DPP10: variants seen among roughly 807,000 people sequenced by gnomAD.
DPP10 encodes inactive dipeptidyl peptidase 10.
A neutral mutation model predicts 120.9 loss-of-function variants in DPP10; 33 were observed. The ratio of observed to expected loss-of-function variants is 0.27; its 90% CI spans 0.21 to 0.37. The LOEUF (loss-of-function observed/expected upper bound fraction) is 0.37, where lower values mean the gene tolerates loss of function less well. Among genes scored for constraint, DPP10 ranks in the 10% least tolerant of loss-of-function variants. DPP10 has a pLI of 1.00. For synonymous variants in DPP10, 337 were observed against 326.1 expected (o/e 1.03, Z -0.36); for missense variants, 816 against 942.8 (o/e 0.87, Z 1.76).
intron 3 of DPP10, among the ~76,000 whole-genome samples, chr2:115,488,852 C>T (rs2105328273): frequency 9.5e-6 from 1 of 104,954 alleles, no homozygotes; most frequent in Non-Finnish European, 1.9e-5. Context: ...GCACAATGTG[C>T]ACATGTACCC....
chr2:115,803,117 G>C (rs1685469360), intron 19 of DPP10, among the ~76,000 whole-genome samples: 1 of 152,156 alleles, frequency 6.6e-6, no homozygotes, highest in South Asian at 2.1e-4. Flanking sequence ...GGGTGCTCCT[G>C]TATTGGGTGT....
chr2:115,098,791 C>T (rs895829930), intron 1 of DPP10, among the ~76,000 whole-genome samples: 14 of 152,126 alleles, frequency 9.2e-5, no homozygotes, highest in African/African-American at 3.1e-4. Context: ...AAATGATATT[C>T]ATTGTTTCTC....
intron 1 of DPP10, among the ~76,000 whole-genome samples, chr2:115,199,354 A>G (rs1222139913): frequency 6.6e-6 from 1 of 151,978 alleles, no homozygotes; most frequent in Non-Finnish European, 1.5e-5. Context: ...TAGTGTAGAG[A>G]CTATCACTGT....
intron 1 of DPP10, among the ~76,000 whole-genome samples, chr2:114,979,825 T>C (rs1699974923): frequency 6.6e-6 from 1 of 152,120 alleles, no homozygotes; most frequent in South Asian, 2.1e-4. Flanking sequence ...ATTTTAATTA[T>C]GTAGAGTCCA....
intron 1 of DPP10, among the ~76,000 whole-genome samples, chr2:115,029,314 A>T (rs1703682562): frequency 6.6e-6 from 1 of 151,940 alleles, no homozygotes; most frequent in South Asian, 2.1e-4. Context: ...TTTTCGATAG[A>T]TTAGTTTTTT....
At chr2:114,523,137 G>A (rs916526501) in intron 1 of DPP10, among the ~76,000 whole-genome samples, 5 of 152,176 alleles carry the variant, frequency 3.3e-5, no homozygotes, top group Non-Finnish European at 5.9e-5. Context: ...ATGGGGAGAC[G>A]TTAAATGAAG....
At chr2:115,515,612 TATTC>T (rs1409468746) in intron 4 of DPP10, among the ~76,000 whole-genome samples, 2 of 152,148 alleles carry the variant, frequency 1.3e-5, no homozygotes, top group Non-Finnish European at 1.5e-5. Flanking sequence ...TAACTGGAAT[TATTC>T]ATTCATTAAT....
At chr2:115,478,903 A>G (rs756358790) in intron 3 of DPP10, among the ~76,000 whole-genome samples, 1 of 152,172 alleles carries the variant, frequency 6.6e-6, no homozygotes, top group African/African-American at 2.4e-5. Flanking sequence ...AGTAAATAGA[A>G]AATATTTGGT....
chr2:115,791,406 T>A (rs758254522), intron 19 of DPP10, 50 bp downstream of exon 19: 29 of 1,493,348 alleles, frequency 1.9e-5, no homozygotes, highest in Non-Finnish European at 2.5e-5. Flanking sequence ...GATTTTATAT[T>A]TTTGTGTCTC....
chr2:115,371,852 CAATT>C (rs776132943), intron 3 of DPP10, among the ~76,000 whole-genome samples: 48 of 152,156 alleles, frequency 3.2e-4, no homozygotes, highest in African/African-American at 1.1e-3. Flanking sequence ...AGCAGGAAAT[CAATT>C]AAATAATTTG....
chr2:115,395,570 G>A (rs1292482489), intron 3 of DPP10, among the ~76,000 whole-genome samples: 1 of 152,138 alleles, frequency 6.6e-6, no homozygotes, highest in Non-Finnish European at 1.5e-5. Flanking sequence ...ATTAATGTAT[G>A]CTGCTCTTTG....
intron 11 of DPP10, among the ~76,000 whole-genome samples, chr2:115,762,254 GAC>G (rs1680205825): frequency 1.3e-5 from 2 of 152,146 alleles, no homozygotes; most frequent in African/African-American, 2.4e-5. Flanking sequence ...GGTGAAAAGA[GAC>G]AGTGTCTGGT....
chr2:114,847,502 G>A (rs17043673), intron 1 of DPP10, among the ~76,000 whole-genome samples: 8,140 of 152,156 alleles, frequency 0.053, 694 homozygotes, highest in African/African-American at 0.18. Context: ...ATCCATCTCC[G>A]TACTTCCAAC....
At chr2:114,474,919 A>G (rs1013443494) in intron 1 of DPP10, among the ~76,000 whole-genome samples, 3 of 152,238 alleles carry the variant, frequency 2.0e-5, no homozygotes, top group African/African-American at 7.2e-5. Flanking sequence ...CAGTGAACTG[A>G]AAGAGTGGTC....
At chr2:115,583,096 G>A (rs1215862574) in intron 5 of DPP10, among the ~76,000 whole-genome samples, 1 of 152,180 alleles carries the variant, frequency 6.6e-6, no homozygotes, top group African/African-American at 2.4e-5. Context: ...AGAAAATAGT[G>A]CACTGAATAT....
intron 7 of DPP10, among the ~76,000 whole-genome samples, chr2:115,693,768 A>G (rs1408175456): frequency 6.6e-6 from 1 of 152,142 alleles, no homozygotes; most frequent in Non-Finnish European, 1.5e-5. Flanking sequence ...TTCTGGTTCT[A>G]CTGCTTACTA....
At chr2:115,467,340 T>A (rs190921228) in intron 3 of DPP10, among the ~76,000 whole-genome samples, 221 of 151,958 alleles carry the variant, frequency 1.5e-3, no homozygotes, top group African/African-American at 5.1e-3. Flanking sequence ...GGCGGACAGA[T>A]CATGAGGTCA....
intron 5 of DPP10, among the ~76,000 whole-genome samples, chr2:115,687,790 A>G (rs921293815): frequency 4.6e-5 from 7 of 152,094 alleles, no homozygotes; most frequent in Admixed American, 1.3e-4. Context: ...GAAAGAGACC[A>G]AGATTCAATA....
intron 3 of DPP10, among the ~76,000 whole-genome samples, chr2:115,377,555 A>C (rs2065910569): frequency 6.6e-6 from 1 of 152,116 alleles, no homozygotes; most frequent in African/African-American, 2.4e-5. Flanking sequence ...TCTTTAGTTT[A>C]ATTAGATCCC....
Sources: gnomAD v4.1 joint callset for allele counts (sites outside exome capture counted in the v4.1 genomes callset) on GRCh38, gnomAD v4.1.1 for gene constraint, MANE v1.5 for transcripts, NCBI Gene and HGNC (gene_info 2026-07-23, HGNC 2026-07-21) for gene names.